Variants in RBM3 observed in about 807,000 individuals in gnomAD.
The protein encoded by RBM3 is RNA binding motif protein 3.
RBM3 carries 3 observed loss-of-function variants against 12.0 expected under a neutral mutation model. The observed-to-expected ratio is 0.25, with a 90% CI of 0.11 to 0.65. The LOEUF (loss-of-function observed/expected upper bound fraction) is 0.65. RBM3 is among the 30% of genes least tolerant of loss of function. The probability of loss-of-function intolerance (pLI) is 0.84; values close to 1 mark genes in which losing one functional copy is unlikely to be tolerated. For missense variants in RBM3, 108 were observed against 134.5 expected, an observed-to-expected ratio of 0.80 and a Z score of 0.97; for synonymous variants, 58 against 45.7, an observed-to-expected ratio of 1.27 and a Z score of -1.08.
chrX:48,579,381 C>T lies in RBM3; in HGVS notation c.*1940C>T, dbSNP rs2062094096. Among the ~76,000 whole-genome samples, 1 of 112,002 alleles carries T rather than the reference C, an allele frequency of 8.9e-6. No individual in the cohort carries two copies. The highest frequency in any genetic ancestry group is 3.2e-5 in the African/African-American group (1 of 30,849). ...TAGTTCCAGTCCTGGAGGCCTGCCT[C>T]CTGAGTTTCCCAGCTAGTTGGGACA... On this transcript the variant is annotated 3_prime_UTR_variant, in exon 7 of 7. Coordinates refer to ENST00000376759, the MANE Select transcript of RBM3 (RefSeq NM_006743.5).
chrX:48,574,682 C>T (rs1556988781), intron 1 of RBM3, 109 bp downstream of exon 1: 1 of 331,274 alleles, frequency 3.0e-6, no homozygotes, highest in African/African-American at 2.6e-5. Context: ...GACACGTAGG[C>T]TTGGCTTTCT....
chrX:48,575,280 G>A lies in RBM3; in HGVS notation c.100G>A (p.Glu34Lys). The A allele has an allele frequency of 8.3e-7, 1 of 1,201,426 alleles. No individual in the cohort carries two copies. Among genetic ancestry groups the A allele is most frequent in the Non-Finnish European group, 1.1e-6 (1 of 887,447 alleles). ...DHFSSFGPIS[E>K]VVVVKDRETQ... Reference sequence around the variant, plus strand: ...CTTCAGCAGTTTCGGACCTATCTCTGAGGGTGAGACGGGCCATACTCACAA... The same window carrying A: ...CTTCAGCAGTTTCGGACCTATCTCTAAGGGTGAGACGGGCCATACTCACAA... Residue 34 changes from glutamate (E) to lysine (K), a missense_variant, in exon 2 of 7, where the codon GAG (glutamate) becomes AAG (lysine). Physicochemically the swap from Glu to Lys is moderately conservative, Grantham distance 56. Around this residue, in one of 2 missense-constraint regions of RBM3, gnomAD observed 43 missense variants for 79.6 expected, o/e 0.54. Coordinates refer to ENST00000376759, the MANE Select transcript of RBM3 (RefSeq NM_006743.5).
chrX:48,575,294 C>T lies in RBM3; in HGVS notation c.103+11C>T. ...GACCTATCTCTGAGGGTGAGACGGGCCATACTCACAATGGGGGTTGGTGAG... is the reference window on the plus strand; with the variant it reads ...GACCTATCTCTGAGGGTGAGACGGGTCATACTCACAATGGGGGTTGGTGAG... On this transcript the variant is annotated intron_variant, in intron 2 of 6. Transcript: ENST00000376759. 2 of 1,178,707 alleles carry T rather than the reference C, an allele frequency of 1.7e-6. No individual in the cohort carries two copies. The highest frequency in any genetic ancestry group is 3.6e-5 in the South Asian group (2 of 55,230).
intron 6 of RBM3, 111 bp downstream of exon 6, chrX:48,577,220 C>T: frequency 2.6e-6 from 3 of 1,156,966 alleles, no homozygotes; most frequent in African/African-American, 3.6e-5. Flanking sequence ...ATACCTCACC[C>T]AGCCAACCTA....
At chrX:48,575,951 G>C (rs2062078106) in intron 3 of RBM3, 1 of 599,339 alleles carries the variant, frequency 1.7e-6, no homozygotes, top group Admixed American at 4.0e-5. Context: ...TGTGGGCCTG[G>C]CCCGGAGAGG....
At position 48,580,553 on chromosome X, in the gene RBM3, C is replaced by T. The variant is rs139043498; in HGVS notation, c.*3112C>T. Reference sequence around the variant, plus strand: ...CTGGGATTACAGGTGCCTGCCACCACGCCCGGCTAATTTTTGTATTAATAG... The same window carrying T: ...CTGGGATTACAGGTGCCTGCCACCATGCCCGGCTAATTTTTGTATTAATAG... On this transcript the variant is annotated 3_prime_UTR_variant, in exon 7 of 7. Coordinates refer to ENST00000376759, the MANE Select transcript of RBM3 (RefSeq NM_006743.5). Among the ~76,000 whole-genome samples the T allele has an allele frequency of 3.5e-3, 387 of 111,342 alleles. 3 individuals are homozygous for T. Among genetic ancestry groups the T allele is most frequent in the African/African-American group, 0.012 (369 of 30,642 alleles).
chrX:48,574,844 C>T (rs1376236789), intron 1 of RBM3: 1 of 360,657 alleles, frequency 2.8e-6, no homozygotes, highest in Non-Finnish European at 5.3e-6. Context: ...TTCCTTATCC[C>T]ACGTGGCCGC....
Position 48,577,004 on chromosome X carries a change from G to A in RBM3, c.414-22G>A, listed in dbSNP as rs200609739. On this transcript the variant is annotated intron_variant, in intron 5 of 6. Coordinates refer to ENST00000376759, the MANE Select transcript of RBM3 (RefSeq NM_006743.5). ...TATAATGCAGTACCAGAAAACTTTT[G>A]TGTGTTTTTTTTCCCCCCCAGAAAC... 6.1e-5 allele frequency: 74 copies of A among 1,205,920 alleles called. No homozygotes were observed. The Middle Eastern group carries it at 2.1e-3, about 34-fold the overall frequency.
intron 3 of RBM3, 80 bp from the exon 4 acceptor site, chrX:48,576,234 C>G: frequency 8.6e-7 from 1 of 1,167,742 alleles, no homozygotes. Flanking sequence ...CCTCTTTTGC[C>G]CACTTACCCT....
chrX:48,574,866 T>C (rs2062072894), intron 1 of RBM3: 1 of 382,387 alleles, frequency 2.6e-6, no homozygotes, highest in Non-Finnish European at 4.9e-6. Context: ...GCCATCTTGT[T>C]CTGCCGGCGT....
chrX:48,577,498 C>T lies in RBM3; in HGVS notation c.*57C>T, dbSNP rs1556989633. 2 of 1,047,779 alleles carry T rather than the reference C, an allele frequency of 1.9e-6. No homozygotes were observed. Among genetic ancestry groups the T allele is most frequent in the South Asian group, 2.0e-5 (1 of 50,737 alleles). 86.3% of individuals were successfully genotyped at this position (1,047,779 alleles called of 1,213,427 possible). ...GGAATAATTTCTGATCCAGGATCGT[C>T]CTTCCAAATGGCTGTATTTATAAAG... On this transcript the variant is annotated 3_prime_UTR_variant, in exon 7 of 7. Transcript: ENST00000376759.
intron 2 of RBM3, 65 bp from the exon 3 acceptor site, chrX:48,575,496 C>A: frequency 9.7e-7 from 1 of 1,029,541 alleles, no homozygotes; most frequent in Non-Finnish European, 1.3e-6. Context: ...TCCGGCCACC[C>A]TTTGCTACTT....
Position 48,574,541 on chromosome X carries a change from G to A in RBM3, c.-46G>A, listed in dbSNP as rs1455496598. On this transcript the variant is annotated 5_prime_UTR_variant, in exon 1 of 7. Coordinates refer to ENST00000376759, the MANE Select transcript of RBM3 (RefSeq NM_006743.5). Reference sequence around the variant, plus strand: ...TTTTTTGTGCTCCTCCGAGCTCGCTGTTCGTCCGGGTTTTTTACGTTTTAA... The same window carrying A: ...TTTTTTGTGCTCCTCCGAGCTCGCTATTCGTCCGGGTTTTTTACGTTTTAA... The A allele has an allele frequency of 1.2e-5, 4 of 331,293 alleles. No individual in the cohort carries two copies. The highest frequency in any genetic ancestry group is 2.6e-5 in the African/African-American group (1 of 37,972). The allele number at this position is 331,293 out of a possible 1,213,427, so 27.3% of individuals were successfully genotyped here.
In RBM3 at chrX:48,580,987, A is replaced by G. The variant is rs2062099372; in HGVS notation, c.*3546A>G. 9.8e-6 allele frequency: 1 copy of G among 101,994 alleles called. No homozygotes were observed. Among genetic ancestry groups the G allele is most frequent in the South Asian group, 4.6e-4 (1 of 2,197 alleles). The allele number at this position is 101,994 out of a possible 1,213,427, so 8.4% of individuals were successfully genotyped here. On this transcript the variant is annotated 3_prime_UTR_variant, in exon 7 of 7. Coordinates refer to ENST00000376759, the MANE Select transcript of RBM3 (RefSeq NM_006743.5). ...GGTAAGACCTGACCTGAGGCTTCTT[A>G]TAACCTTTACTCAGTGGGAATATGC...
In RBM3 at chrX:48,576,595, A is replaced by T; in HGVS notation, c.404A>T (p.Tyr135Phe). ...TATGGATATGGACGTTCCAGAGACT[A>T]TAATGGCAGGTGGGTAGCCAAAGGG... The part of the protein sequence containing the change: ...YGYGYGRSRD[Y>F]NGRNQGGYDR... The change falls in exon 5 of 7, where the codon TAT (tyrosine) becomes TTT (phenylalanine). Residue 135 changes from tyrosine (Y) to phenylalanine (F), a missense_variant. Coordinates refer to ENST00000376759, the MANE Select transcript of RBM3 (RefSeq NM_006743.5). 8.5e-7 allele frequency: 1 copy of T among 1,175,207 alleles called. No individual in the cohort carries two copies. Among genetic ancestry groups the T allele is most frequent in the Admixed American group, 2.5e-5 (1 of 39,815 alleles).
chrX:48,576,616 A>T lies in RBM3; in HGVS notation c.413+12A>T. The T allele has an allele frequency of 2.1e-5, 24 of 1,166,256 alleles. No individual in the cohort carries two copies. The highest frequency in any genetic ancestry group is 2.6e-5 in the Non-Finnish European group (23 of 872,739). On this transcript the variant is annotated intron_variant, in intron 5 of 6. Coordinates refer to ENST00000376759, the MANE Select transcript of RBM3 (RefSeq NM_006743.5). ...GACTATAATGGCAGGTGGGTAGCCA[A>T]AGGGCTGGGATGTTCTCCTATTGCT...
At chrX:48,576,706 G>C in intron 5 of RBM3, 102 bp downstream of exon 5, 1 of 1,082,434 alleles carries the variant, frequency 9.2e-7, no homozygotes, top group Non-Finnish European at 1.2e-6. Context: ...TTACTAATGT[G>C]TACCTAAAAT....
Position 48,575,291 on chromosome X carries a change from G to T in RBM3, c.103+8G>T, listed in dbSNP as rs201866683. On this transcript the variant is annotated splice_region_variant and intron_variant, in intron 2 of 6. Transcript: ENST00000376759. ...TCGGACCTATCTCTGAGGGTGAGAC[G>T]GGCCATACTCACAATGGGGGTTGGT... 687 of 1,178,535 alleles carry T rather than the reference G, an allele frequency of 5.8e-4. No homozygotes were observed. Among genetic ancestry groups the T allele is most frequent in the Non-Finnish European group, 7.2e-4 (623 of 869,771 alleles).
intron 3 of RBM3, 77 bp downstream of exon 3, chrX:48,575,744 C>G: frequency 1.0e-6 from 1 of 969,689 alleles, no homozygotes; most frequent in Non-Finnish European, 1.4e-6. Flanking sequence ...CCCTCTGTGT[C>G]TGCTCGGGGC....
Sources: gnomAD v4.1 joint callset for allele counts (sites outside exome capture counted in the v4.1 genomes callset) on GRCh38, gnomAD v4.1.1 for gene constraint, gnomAD v4.1.1 regional missense constraint, MANE v1.5 for transcripts, NCBI Gene and HGNC (gene_info 2026-07-23, HGNC 2026-07-21) for gene names.